Variants in ZNF438 observed in about 807,000 individuals in gnomAD.
The protein encoded by ZNF438 is zinc finger protein 438.
A neutral mutation model predicts 38.0 loss-of-function variants in ZNF438; 25 were observed. That is an observed-to-expected ratio of 0.66 (90% CI 0.48 to 0.92). The LOEUF (loss-of-function observed/expected upper bound fraction) is 0.92, where lower values mean the gene tolerates loss of function less well. ZNF438 is among the 40% of genes least tolerant of loss of function. The pLI is 0.00. For synonymous variants in ZNF438, 372 were observed against 364.1 expected, an observed-to-expected ratio of 1.02 and a Z score of -0.25; for missense variants, 1,007 against 999.6, an observed-to-expected ratio of 1.01 and a Z score of -0.10.
intron 1 of ZNF438, among the ~76,000 whole-genome samples, chr10:31,007,529 C>T (rs551015338): frequency 2.0e-5 from 3 of 152,162 alleles, no homozygotes; most frequent in Non-Finnish European, 4.4e-5. Context: ...ATCTGCCCGC[C>T]TTGGCCTCCC....
chr10:30,844,795 A>G lies in ZNF438; in HGVS notation c.*166T>C, dbSNP rs16915501. The stretch of plus-strand genomic sequence containing the variant: ...TTAGAAAAATATGCTTCGAGAGCTT[A>G]TATTTTATTTCGTTAAGAAAATAAA... On this transcript the variant is annotated 3_prime_UTR_variant, in exon 6 of 6. Transcript: ENST00000413025. 3,488 of 862,718 alleles carry G rather than the reference A, an allele frequency of 4.0e-3. 70 individuals are homozygous for G. The African/African-American group carries it at 0.048, about 12-fold the overall frequency. 53.4% of individuals were successfully genotyped at this position (862,718 alleles called of 1,614,324 possible).
At chr10:30,873,226 T>C (rs2037785679) in intron 4 of ZNF438, among the ~76,000 whole-genome samples, 2 of 152,088 alleles carry the variant, frequency 1.3e-5, no homozygotes, top group African/African-American at 2.4e-5. Flanking sequence ...ATATAGAAAA[T>C]TGTAACAAAA....
intron 5 of ZNF438, among the ~76,000 whole-genome samples, chr10:30,848,103 C>A (rs1023554535): frequency 6.6e-6 from 1 of 152,152 alleles, no homozygotes; most frequent in African/African-American, 2.4e-5. Context: ...AAGAGTGAAC[C>A]CGAACTGATG....
intron 1 of ZNF438, among the ~76,000 whole-genome samples, chr10:30,951,971 G>A (rs1336796223): frequency 6.6e-6 from 1 of 151,028 alleles, no homozygotes; most frequent in Non-Finnish European, 1.5e-5. Flanking sequence ...GAACAAAGCT[G>A]GAGGCATCAC....
At chr10:30,993,614 G>T (rs2053736465) in intron 1 of ZNF438, among the ~76,000 whole-genome samples, 1 of 152,252 alleles carries the variant, frequency 6.6e-6, no homozygotes, top group South Asian at 2.1e-4. Flanking sequence ...TAGACTCATT[G>T]CTGAGAGCCC....
chr10:30,877,375 T>A (rs1273718643), intron 3 of ZNF438, among the ~76,000 whole-genome samples: 1 of 152,192 alleles, frequency 6.6e-6, no homozygotes, highest in African/African-American at 2.4e-5. Context: ...GAAAATGTAC[T>A]CTCTGATAAT....
chr10:30,961,341 G>C (rs1401075727), intron 1 of ZNF438, among the ~76,000 whole-genome samples: 1 of 145,238 alleles, frequency 6.9e-6, no homozygotes, highest in Non-Finnish European at 1.6e-5. Flanking sequence ...CTGGAGAACA[G>C]CGGCTATTCA....
intron 1 of ZNF438, among the ~76,000 whole-genome samples, chr10:30,991,653 G>A (rs1037787372): frequency 2.6e-5 from 4 of 152,156 alleles, no homozygotes; most frequent in African/African-American, 9.7e-5. Context: ...TCTGTCTGAG[G>A]GAATTGACAT....
intron 1 of ZNF438, among the ~76,000 whole-genome samples, chr10:31,030,246 C>T (rs1024020709): frequency 6.6e-6 from 1 of 152,220 alleles, no homozygotes. Flanking sequence ...AAACAACCTT[C>T]CCTGTTCCCC....
chr10:30,852,398 G>C (rs1424892775), intron 4 of ZNF438, among the ~76,000 whole-genome samples: 2 of 151,860 alleles, frequency 1.3e-5, no homozygotes, highest in Non-Finnish European at 2.9e-5. Context: ...AGTAGAGACA[G>C]GGTTTCTCCA....
At chr10:30,984,199 T>C (rs2052521374) in intron 1 of ZNF438, among the ~76,000 whole-genome samples, 170 bp downstream of exon 2, 1 of 152,188 alleles carries the variant, frequency 6.6e-6, no homozygotes, top group Non-Finnish European at 1.5e-5. Context: ...ATTAGGGAAA[T>C]GTTACATGAA....
intron 5 of ZNF438, 110 bp from the exon 7 acceptor site, chr10:30,845,683 G>T: frequency 7.5e-7 from 1 of 1,333,274 alleles, no homozygotes. Flanking sequence ...TGACGAGAAA[G>T]ACAAGGGCTG....
intron 4 of ZNF438, among the ~76,000 whole-genome samples, chr10:30,876,788 T>C (rs1204283716): frequency 6.6e-6 from 1 of 152,210 alleles, no homozygotes; most frequent in Non-Finnish European, 1.5e-5. Context: ...CAAGGCGCTA[T>C]AGCCTATAAA....
At chr10:31,010,263 T>A (rs889608998) in intron 1 of ZNF438, among the ~76,000 whole-genome samples, 7 of 152,238 alleles carry the variant, frequency 4.6e-5, no homozygotes, top group African/African-American at 1.7e-4. Context: ...GCCTGATGAT[T>A]CAGAGACCAA....
exon 4 of ZNF438, chr10:30,877,002 A>G: frequency 3.7e-6 from 6 of 1,606,162 alleles, no homozygotes; most frequent in Non-Finnish European, 5.1e-6. Context: ...ACTTACCTTC[A>G]TCTTTTGGTG....
intron 1 of ZNF438, among the ~76,000 whole-genome samples, chr10:31,028,976 A>AAGCATGC (rs1302964372): frequency 1.3e-5 from 2 of 152,220 alleles, no homozygotes; most frequent in East Asian, 3.8e-4. Context: ...TGAAAAACAA[A>AAGCATGC]AGCATGCTTT....
Position 30,848,528 on chromosome 10 carries a change from C to T in ZNF438, c.1874+3G>A, listed in dbSNP as rs778052431. 2 of 1,606,674 alleles carry T rather than the reference C, an allele frequency of 1.2e-6. No individual in the cohort carries two copies. Among genetic ancestry groups the T allele is most frequent in the Admixed American group, 3.3e-5 (2 of 59,784 alleles). On this transcript the variant is annotated splice_donor_region_variant and intron_variant, in intron 5 of 5. Transcript: ENST00000413025. ...GCCAGGTCTCCATTACATTGGCACTCACCTCTCCAATGATCCCTCCATGCC... is the reference window on the plus strand; with the variant it reads ...GCCAGGTCTCCATTACATTGGCACTTACCTCTCCAATGATCCCTCCATGCC...
chr10:30,933,439 T>C (rs1055939029), intron 2 of ZNF438, among the ~76,000 whole-genome samples: 5 of 152,196 alleles, frequency 3.3e-5, no homozygotes, highest in African/African-American at 9.6e-5. Context: ...ATAATACTTG[T>C]TAACAAGCAA....
intron 4 of ZNF438, among the ~76,000 whole-genome samples, chr10:30,862,359 T>C (rs1050560554): frequency 3.3e-5 from 5 of 152,148 alleles, no homozygotes; most frequent in African/African-American, 7.2e-5. Context: ...TGGAGGGCAA[T>C]GGTATGATCA....
Sources: gnomAD v4.1 joint callset for allele counts (sites outside exome capture counted in the v4.1 genomes callset) on GRCh38, gnomAD v4.1.1 for gene constraint, MANE v1.5 for transcripts, NCBI Gene and HGNC (gene_info 2026-07-23, HGNC 2026-07-21) for gene names.